The following ALPK1 variants were observed in gnomAD, a reference collection of about 807,000 sequenced individuals.
ALPK1 encodes alpha-protein kinase 1.
A neutral mutation model predicts 120.6 loss-of-function variants in ALPK1; 110 were observed. That is an observed-to-expected ratio of 0.91 (90% confidence interval 0.78 to 1.07). The LOEUF (loss-of-function observed/expected upper bound fraction) is 1.07. Ranked by LOEUF, ALPK1 falls within the 50% of genes least tolerant of loss-of-function variation. The pLI is 0.00. For missense variants in ALPK1, 1,498 were observed against 1,483.9 expected, an observed-to-expected ratio of 1.01 and a Z score of -0.16; for synonymous variants, 582 against 560.3, an observed-to-expected ratio of 1.04 and a Z score of -0.55.
Position 112,323,142 on chromosome 4 carries a change from G to C in ALPK1, c.-101+7290G>C, listed in dbSNP as rs574238661. Among the ~76,000 whole-genome samples, 7 of 152,226 alleles carry C rather than the reference G, an allele frequency of 4.6e-5. No homozygotes were observed. In the South Asian group the frequency reaches 1.5e-3, roughly 32 times the overall value. On this transcript the variant is annotated intron_variant, in intron 2 of 15. Transcript: ENST00000650871. ...TCTCTTCACACTGCCATCCACCCCT[G>C]CTCCTCAGAGCCTACCCCTTTCACT...
intron 5 of ALPK1, among the ~76,000 whole-genome samples, chr4:112,421,172 G>T (rs1044429556): frequency 2.6e-5 from 4 of 152,100 alleles, no homozygotes; most frequent in African/African-American, 9.7e-5. Flanking sequence ...CGTACTCCAT[G>T]CCTATAGAAA....
intron 3 of ALPK1, among the ~76,000 whole-genome samples, chr4:112,379,421 C>T (rs1158245917): frequency 6.6e-6 from 1 of 152,214 alleles, no homozygotes; most frequent in East Asian, 1.9e-4. Flanking sequence ...TCCAATAAAC[C>T]GACGGGGAAG....
chr4:112,439,652 T>C (rs750814777), intron 13 of ALPK1, 34 bp from the exon 14 acceptor site: 6 of 1,563,676 alleles, frequency 3.8e-6, no homozygotes, highest in Non-Finnish European at 4.3e-6. Flanking sequence ...GCCTTTACCA[T>C]TATGCTGTAA....
At chr4:112,417,675 G>C (rs543853824) in intron 5 of ALPK1, among the ~76,000 whole-genome samples, 1 of 152,078 alleles carries the variant, frequency 6.6e-6, no homozygotes, top group Non-Finnish European at 1.5e-5. Flanking sequence ...CTGTAGAGTC[G>C]AGGTCTCTCT....
At chr4:112,336,831 AG>A (rs1248379600) in intron 2 of ALPK1, among the ~76,000 whole-genome samples, 1 of 152,188 alleles carries the variant, frequency 6.6e-6, no homozygotes, top group Non-Finnish European at 1.5e-5. Context: ...ACATTTCCAA[AG>A]AATTTGGTGG....
At chr4:112,369,526 G>A (rs531255928) in intron 2 of ALPK1, among the ~76,000 whole-genome samples, 12 of 151,680 alleles carry the variant, frequency 7.9e-5, no homozygotes, top group East Asian at 1.9e-4. Context: ...TTAAAAAGAC[G>A]TTTTAGATTA....
At chr4:112,401,522 G>A (rs1732913382) in intron 4 of ALPK1, among the ~76,000 whole-genome samples, 1 of 152,204 alleles carries the variant, frequency 6.6e-6, no homozygotes, top group Non-Finnish European at 1.5e-5. Context: ...TGTAGAAGAA[G>A]ATAGTTGGAG....
At chr4:112,327,061 T>C (rs1729148520) in intron 2 of ALPK1, among the ~76,000 whole-genome samples, 1 of 152,142 alleles carries the variant, frequency 6.6e-6, no homozygotes, top group South Asian at 2.1e-4. Flanking sequence ...CCCAGGAGAG[T>C]ATATTTCAAA....
chr4:112,299,411 A>C (rs1018187946), intron 1 of ALPK1, among the ~76,000 whole-genome samples: 1 of 152,166 alleles, frequency 6.6e-6, no homozygotes, highest in Admixed American at 6.5e-5. Flanking sequence ...AATTAACATA[A>C]TTTGCTTATA....
At chr4:112,357,630 C>T (rs1279752537) in intron 2 of ALPK1, 2 of 1,607,716 alleles carry the variant, frequency 1.2e-6, no homozygotes, top group Non-Finnish European at 1.7e-6. Context: ...AGAACCCACA[C>T]ATCATCGACA....
At chr4:112,339,074 A>G (rs752150572) in intron 2 of ALPK1, among the ~76,000 whole-genome samples, 3 of 152,234 alleles carry the variant, frequency 2.0e-5, no homozygotes, top group Non-Finnish European at 4.4e-5. Context: ...AATATTTGAA[A>G]TTACCCACAA....
chr4:112,357,852 G>T, intron 2 of ALPK1: 1 of 1,149,220 alleles, frequency 8.7e-7, no homozygotes. Flanking sequence ...CCCACTACTT[G>T]GCTAGGAAGA....
intron 4 of ALPK1, among the ~76,000 whole-genome samples, chr4:112,386,450 A>T (rs1032266825): frequency 6.6e-6 from 1 of 152,246 alleles, no homozygotes; most frequent in Non-Finnish European, 1.5e-5. Flanking sequence ...CCCTAGGTAG[A>T]TGGGTCTTTT....
chr4:112,431,964 T>C lies in ALPK1; in HGVS notation c.2417T>C (p.Leu806Pro). The part of the protein sequence containing the change: ...EDAPLDFHRV[L>P]HNSLGNISML... The stretch of plus-strand genomic sequence containing the variant: ...GCACCCTTAGACTTTCACAGGGTCC[T>C]GCACAATTCTCTGGGAAACATTTCC... The change falls in exon 11 of 16, where the codon CTG (leucine) becomes CCG (proline). Residue 806 changes from leucine to proline, a missense_variant. Coordinates refer to ENST00000650871, the MANE Select transcript of ALPK1 (RefSeq NM_025144.4). The C allele has an allele frequency of 6.2e-7, 1 of 1,614,170 alleles. No individual in the cohort carries two copies. Among genetic ancestry groups the C allele is most frequent in the Non-Finnish European group, 8.5e-7 (1 of 1,180,040 alleles).
chr4:112,335,758 G>T (rs1729589964), intron 2 of ALPK1, among the ~76,000 whole-genome samples: 1 of 152,186 alleles, frequency 6.6e-6, no homozygotes, highest in South Asian at 2.1e-4. Flanking sequence ...AATCTAGGCA[G>T]ATTCCAGTAA....
At chr4:112,371,142 C>A (rs1264002010) in intron 2 of ALPK1, among the ~76,000 whole-genome samples, 3 of 152,158 alleles carry the variant, frequency 2.0e-5, no homozygotes, top group African/African-American at 7.2e-5. Context: ...TTTTCTACAT[C>A]TCTAATACTA....
Position 112,374,931 on chromosome 4 carries a change from T to A in ALPK1, c.-100-2747T>A, listed in dbSNP as rs538550477. On this transcript the variant is annotated intron_variant, in intron 2 of 15. Coordinates refer to ENST00000650871, the MANE Select transcript of ALPK1 (RefSeq NM_025144.4). ...ACTTATAGAGCACAGGCAGAGTAGA[T>A]TTAGTATAATTCTTAAGGGTCTTAG... Among the ~76,000 whole-genome samples, 65 of 152,264 alleles carry A rather than the reference T, an allele frequency of 4.3e-4. No individual in the cohort carries two copies. In the South Asian group the frequency reaches 6.4e-3, roughly 15 times the overall value.
chr4:112,425,760 A>C lies in ALPK1; in HGVS notation c.622+9A>C, dbSNP rs766806450. On this transcript the variant is annotated intron_variant, in intron 7 of 15. Coordinates refer to ENST00000650871, the MANE Select transcript of ALPK1 (RefSeq NM_025144.4). ...GATTCTGCAAAAGCTGGGTACAATC[A>C]TGTAAAACTTGCATTTCTCAAGGCT... The C allele has an allele frequency of 1.2e-6, 2 of 1,606,978 alleles. No homozygotes were observed. Among genetic ancestry groups the C allele is most frequent in the South Asian group, 2.2e-5 (2 of 90,182 alleles).
chr4:112,404,224 A>G (rs1025287068), intron 4 of ALPK1, among the ~76,000 whole-genome samples: 4 of 152,210 alleles, frequency 2.6e-5, no homozygotes, highest in African/African-American at 4.8e-5. Context: ...GTTTTGCTCT[A>G]TTGAAACTTC....
Sources: gnomAD v4.1 joint callset for allele counts (sites outside exome capture counted in the v4.1 genomes callset) on GRCh38, gnomAD v4.1.1 for gene constraint, MANE v1.5 for transcripts, NCBI Gene and HGNC (gene_info 2026-07-23, HGNC 2026-07-21) for gene names.